SPATS2L: variants seen among roughly 807,000 people sequenced by gnomAD.
SPATS2L encodes the protein spermatogenesis associated serine rich 2 like.
SPATS2L carries 30 observed loss-of-function variants against 59.6 expected under a neutral mutation model. That is an observed-to-expected ratio of 0.50 (90% confidence interval 0.38 to 0.68). SPATS2L has a LOEUF of 0.68. SPATS2L is among the 30% of genes least tolerant of loss of function. The pLI is 0.00. For missense variants in SPATS2L, 615 were observed against 700.0 expected (o/e 0.88, Z 1.37); for synonymous variants, 252 against 263.5 (o/e 0.96, Z 0.42).
chr2:200,338,709 T>C (rs9789472), intron 2 of SPATS2L, among the ~76,000 whole-genome samples: 2 of 152,230 alleles, frequency 1.3e-5, no homozygotes, highest in Non-Finnish European at 2.9e-5. Flanking sequence ...GTTCCTACTT[T>C]ATAGAATTTT....
At chr2:200,328,452 G>T (rs1231308756) in intron 1 of SPATS2L, among the ~76,000 whole-genome samples, 1 of 152,086 alleles carries the variant, frequency 6.6e-6, no homozygotes, top group Non-Finnish European at 1.5e-5. Flanking sequence ...AGAATCTCAG[G>T]GCTTAAAGTC....
rs187389261 is a variant in SPATS2L, at chr2:200,386,540, T to C, written c.-22-2683T>C. Among the ~76,000 whole-genome samples, 344 of 152,326 alleles carry C rather than the reference T, an allele frequency of 2.3e-3. 4 individuals are homozygous for C. Among genetic ancestry groups the C allele is most frequent in the African/African-American group, 7.4e-3 (307 of 41,578 alleles). ...TTCAGATCTCATAAATTTTCTCTCT[T>C]CAATGGAATTCCTCCCTGATTCCTC... is the stretch of plus-strand genomic sequence containing the variant. On this transcript the variant is annotated intron_variant, in intron 2 of 12. Coordinates refer to ENST00000409140, the MANE Select transcript of SPATS2L (RefSeq NM_001100423.2).
intron 6 of SPATS2L, among the ~76,000 whole-genome samples, chr2:200,437,112 T>C (rs2084351275): frequency 6.6e-6 from 1 of 152,202 alleles, no homozygotes; most frequent in Non-Finnish European, 1.5e-5. Context: ...GCATCATGCT[T>C]CTTGTACAGC....
chr2:200,334,048 T>G (rs574619200), intron 2 of SPATS2L, among the ~76,000 whole-genome samples: 2 of 152,372 alleles, frequency 1.3e-5, no homozygotes, highest in Admixed American at 6.5e-5. Context: ...AAGTGGTATT[T>G]CTGGTTCTAG....
chr2:200,352,011 T>A (rs1056583878), intron 2 of SPATS2L, among the ~76,000 whole-genome samples: 1 of 152,134 alleles, frequency 6.6e-6, no homozygotes, highest in Non-Finnish European at 1.5e-5. Context: ...CTGGCTTGGG[T>A]AGTTTCCCAT....
intron 1 of SPATS2L, among the ~76,000 whole-genome samples, chr2:200,318,864 G>A (rs1471778607): frequency 6.6e-6 from 1 of 152,194 alleles, no homozygotes; most frequent in Non-Finnish European, 1.5e-5. Context: ...AGCCAGGAAC[G>A]AGGAGTTTGG....
chr2:200,333,037 T>C (rs1453255543), intron 2 of SPATS2L, among the ~76,000 whole-genome samples: 1 of 151,992 alleles, frequency 6.6e-6, no homozygotes, highest in Non-Finnish European at 1.5e-5. Context: ...TACCAGCCCT[T>C]TGGGAGGCCA....
intron 8 of SPATS2L, among the ~76,000 whole-genome samples, chr2:200,445,832 A>G (rs1466059655): frequency 7.9e-6 from 1 of 126,794 alleles, no homozygotes; most frequent in East Asian, 2.3e-4. Flanking sequence ...CTTTCCAAAC[A>G]ATGATAAACC....
At chr2:200,456,156 G>A (rs777395563) in intron 8 of SPATS2L, among the ~76,000 whole-genome samples, 16 of 152,166 alleles carry the variant, frequency 1.1e-4, no homozygotes, top group Admixed American at 7.9e-4. Context: ...AGGGCAGGCC[G>A]GGTTTATCTG....
Position 200,481,982 on chromosome 2 carries a change from A to C in SPATS2L, c.*3951A>C, listed in dbSNP as rs1412485981. The C allele has an allele frequency of 3.9e-5, 6 of 152,276 alleles. No homozygotes were observed. The East Asian group carries it at 5.8e-4, about 15-fold the overall frequency. The allele number at this position is 152,276 out of a possible 1,614,324, so 9.4% of individuals were successfully genotyped here. ...GGGGTGAGCCACTGCGCCCGGCCCC[A>C]GTCACTTGTTCTTAAGTTTCTTAAG... On this transcript the variant is annotated 3_prime_UTR_variant, in exon 13 of 13. Transcript: ENST00000409140.
chr2:200,389,397 AG>A, intron 3 of SPATS2L, 114 bp downstream of exon 3: 1 of 690,996 alleles, frequency 1.4e-6, no homozygotes, highest in East Asian at 2.7e-5. Flanking sequence ...GGGGATACGT[AG>A]TAAGTTTGCC....
intron 2 of SPATS2L, among the ~76,000 whole-genome samples, chr2:200,372,734 G>A (rs1294813995): frequency 2.0e-5 from 3 of 152,156 alleles, no homozygotes; most frequent in Non-Finnish European, 4.4e-5. Context: ...AGTTTGAGAG[G>A]TTTCAGTCCC....
intron 3 of SPATS2L, among the ~76,000 whole-genome samples, chr2:200,396,045 T>C (rs1375412267): frequency 3.2e-5 from 2 of 61,632 alleles, no homozygotes; most frequent in South Asian, 7.2e-4. Flanking sequence ...TATATATATA[T>C]ATATATATAT....
chr2:200,428,065 C>G (rs1223000123), intron 6 of SPATS2L, among the ~76,000 whole-genome samples: 7 of 124,882 alleles, frequency 5.6e-5, no homozygotes, highest in Non-Finnish European at 1.2e-4. Context: ...GAGACCGTGT[C>G]TCAAAAACAA....
intron 2 of SPATS2L, among the ~76,000 whole-genome samples, chr2:200,371,713 G>C (rs1242305801): frequency 6.6e-6 from 1 of 152,106 alleles, no homozygotes; most frequent in Admixed American, 6.5e-5. Flanking sequence ...CTTATACATA[G>C]AGTCCCAGGA....
intron 6 of SPATS2L, among the ~76,000 whole-genome samples, chr2:200,423,937 G>A (rs1343779544): frequency 6.6e-6 from 1 of 152,172 alleles, no homozygotes; most frequent in African/African-American, 2.4e-5. Flanking sequence ...TGGCTCAGGG[G>A]TGTTAGTGTG....
chr2:200,468,091 C>T (rs2086725151), intron 10 of SPATS2L, among the ~76,000 whole-genome samples: 1 of 151,898 alleles, frequency 6.6e-6, no homozygotes, highest in Non-Finnish European at 1.5e-5. Flanking sequence ...ACCATCAGCC[C>T]TGTACCACCC....
At chr2:200,315,304 A>G (rs1418974643) in intron 1 of SPATS2L, among the ~76,000 whole-genome samples, 3 of 152,184 alleles carry the variant, frequency 2.0e-5, no homozygotes, top group Non-Finnish European at 4.4e-5. Context: ...ATAGTGTGGA[A>G]AGCACTATTA....
chr2:200,433,447 A>G (rs551101229), intron 6 of SPATS2L, among the ~76,000 whole-genome samples: 2 of 152,282 alleles, frequency 1.3e-5, no homozygotes, highest in South Asian at 4.1e-4. Flanking sequence ...CACCATCTTA[A>G]GAGTATGGTG....
Sources: gnomAD v4.1 joint callset for allele counts (sites outside exome capture counted in the v4.1 genomes callset) on GRCh38, gnomAD v4.1.1 for gene constraint, MANE v1.5 for transcripts, NCBI Gene and HGNC (gene_info 2026-07-23, HGNC 2026-07-21) for gene names.